ATXN1: variants seen among roughly 807,000 people sequenced by gnomAD.
ATXN1 encodes the protein ataxin-1.
Under a neutral mutation model 56.4 loss-of-function variants are expected in ATXN1, and 8 were observed. That is an observed-to-expected ratio of 0.14 (90% confidence interval 0.08 to 0.26). The LOEUF (loss-of-function observed/expected upper bound fraction) is 0.26. Ranked by LOEUF, ATXN1 falls within the 10% of genes least tolerant of loss-of-function variation. The probability of loss-of-function intolerance (pLI) is 1.00; values close to 1 mark genes in which losing one functional copy is unlikely to be tolerated. For missense variants in ATXN1, 987 were observed against 1,106.5 expected (o/e 0.89, Z 1.53); for synonymous variants, 514 against 494.6 (o/e 1.04, Z -0.52).
intron 4 of ATXN1, among the ~76,000 whole-genome samples, chr6:16,538,836 CCACCA>C (rs1383042155): frequency 1.3e-5 from 2 of 152,158 alleles, no homozygotes; most frequent in Non-Finnish European, 2.9e-5. Context: ...CAGGCATGAG[CCACCA>C]CACCTGGCTA....
chr6:16,635,817 GGT>G (rs1302525625), intron 3 of ATXN1, among the ~76,000 whole-genome samples: 1 of 152,218 alleles, frequency 6.6e-6, no homozygotes, highest in African/African-American at 2.4e-5. Context: ...AGGCTGAGCA[GGT>G]GTGGGCTGGG....
At chr6:16,465,399 G>A (rs975768550) in intron 6 of ATXN1, among the ~76,000 whole-genome samples, 2 of 152,222 alleles carry the variant, frequency 1.3e-5, no homozygotes, top group South Asian at 2.1e-4. Flanking sequence ...GGAGGTTGCC[G>A]TGAGCCAAGA....
In ATXN1 at chr6:16,653,301, T is replaced by C. The variant is rs191186598; in HGVS notation, c.-489+4475A>G. ...GAAGGAGAGGGCCAAGTGTCACCAC[T>C]GCAGTCTGCTAACATTGGATTCAAA... On this transcript the variant is annotated intron_variant, in intron 3 of 7. Transcript: ENST00000436367. 3.7e-3 allele frequency among the ~76,000 whole-genome samples: 569 copies of C among 152,348 alleles called. 4 individuals carry two copies. Among genetic ancestry groups the C allele is most frequent in the African/African-American group, 0.013 (554 of 41,586 alleles).
chr6:16,604,754 T>TGA (rs1762973229), intron 3 of ATXN1, among the ~76,000 whole-genome samples: 1 of 144,188 alleles, frequency 6.9e-6, no homozygotes, highest in African/African-American at 2.5e-5. Context: ...CCTGGCTGAT[T>TGA]AAAAAAAAAA....
intron 7 of ATXN1, among the ~76,000 whole-genome samples, chr6:16,315,609 A>C (rs1760490398): frequency 6.6e-6 from 1 of 152,104 alleles, no homozygotes; most frequent in South Asian, 2.1e-4. Flanking sequence ...TGTCCTTTTC[A>C]GAGAGAACTC....
chr6:16,328,479 G>A lies in ATXN1; in HGVS notation c.-160-9C>T. The A allele has an allele frequency of 1.6e-6, 2 of 1,224,238 alleles. No individual in the cohort carries two copies. Among genetic ancestry groups the A allele is most frequent in the African/African-American group, 1.5e-5 (1 of 66,030 alleles). 75.8% of individuals were successfully genotyped at this position (1,224,238 alleles called of 1,614,324 possible). A position where few individuals can be genotyped will look rare whatever the true frequency, so the allele number is the denominator to read the frequency against. On this transcript the variant is annotated splice_polypyrimidine_tract_variant and intron_variant, in intron 6 of 7. Coordinates refer to ENST00000436367, the MANE Select transcript of ATXN1 (RefSeq NM_001128164.2). This position sits in a 1 kb window ranked among gnomAD's most constrained non-coding sequence, Gnocchi z 6.2. ...AACAGCAGCTCTGGATGCTGGGAAA[G>A]GGAAGAGGGCAGTGACAAAGGGAAA...
intron 4 of ATXN1, among the ~76,000 whole-genome samples, chr6:16,527,077 T>C (rs574020748): frequency 6.6e-6 from 1 of 151,912 alleles, no homozygotes; most frequent in Non-Finnish European, 1.5e-5. Flanking sequence ...TATCAAAAAT[T>C]AAAATATTCA....
At chr6:16,402,338 C>T (rs1304824031) in intron 6 of ATXN1, among the ~76,000 whole-genome samples, 1 of 135,904 alleles carries the variant, frequency 7.4e-6, no homozygotes, top group Non-Finnish European at 1.5e-5. Context: ...ATATTTGATG[C>T]ACATTATTGA....
chr6:16,517,677 C>A (rs1761211026), intron 5 of ATXN1, among the ~76,000 whole-genome samples: 1 of 152,104 alleles, frequency 6.6e-6, no homozygotes, highest in African/African-American at 2.4e-5. Flanking sequence ...AGAGAGAGAA[C>A]ACAAGTACAT....
rs772757912 is a variant in ATXN1 at position 16,326,763 on chromosome 6, A to C, written c.1548T>G (p.Ala516=). The change falls in exon 7 of 8, where the codon GCT becomes GCG. Residue 516 remains alanine, a synonymous_variant. Coordinates refer to ENST00000436367, the MANE Select transcript of ATXN1 (RefSeq NM_001128164.2). The surrounding 1 kb of genome is among the most constrained non-coding windows in gnomAD (Gnocchi z 6.6). ...TGGTGACGAACGTGTGAGGCACTGC[A>C]GCAAACTGGGGGGATGACGTGACTA... ...PAIVTSSPQF[A]AVPHTFVTTA... 4 of 1,613,380 alleles carry C rather than the reference A, an allele frequency of 2.5e-6. No homozygotes were observed. The highest frequency in any genetic ancestry group is 1.1e-5 in the South Asian group (1 of 91,042).
At chr6:16,411,506 C>T (rs1373723268) in intron 6 of ATXN1, among the ~76,000 whole-genome samples, 2 of 151,968 alleles carry the variant, frequency 1.3e-5, no homozygotes, top group South Asian at 2.1e-4. Flanking sequence ...TTAATAGCAA[C>T]ATTGATCTGG....
chr6:16,330,550 C>T (rs528015967), intron 6 of ATXN1, among the ~76,000 whole-genome samples: 5 of 151,832 alleles, frequency 3.3e-5, no homozygotes, highest in East Asian at 3.9e-4. Flanking sequence ...CCACCACACC[C>T]GGCTAATTTT....
intron 4 of ATXN1, among the ~76,000 whole-genome samples, chr6:16,569,473 G>A (rs1762290849): frequency 6.9e-6 from 1 of 145,952 alleles, no homozygotes; most frequent in South Asian, 2.3e-4. Flanking sequence ...GCTGTAGTGA[G>A]CCAAGCTCAC....
At position 16,750,033 on chromosome 6, in the gene ATXN1, T is replaced by A. The variant is rs374618131; in HGVS notation, c.-615+3200A>T. Reference sequence around the variant, plus strand: ...CATGGCCTTCCTCATGCTCCATCCATCTCTTCCCACAGAAATGCAATCTAG... The same window carrying A: ...CATGGCCTTCCTCATGCTCCATCCAACTCTTCCCACAGAAATGCAATCTAG... On this transcript the variant is annotated intron_variant, in intron 2 of 7. Transcript: ENST00000436367. 4.6e-5 allele frequency: 7 copies of A among 152,490 alleles called. No individual in the cohort carries two copies. In the South Asian group the frequency reaches 6.2e-4, roughly 14 times the overall value. 9.4% of individuals were successfully genotyped at this position (152,490 alleles called of 1,614,324 possible).
At chr6:16,709,951 T>C (rs753631404) in intron 2 of ATXN1, among the ~76,000 whole-genome samples, 2 of 152,124 alleles carry the variant, frequency 1.3e-5, no homozygotes, top group African/African-American at 2.4e-5. Flanking sequence ...CGGAAAACCA[T>C]ATGACATCTC....
chr6:16,563,770 TCAGGTTAAACTTAACACCGGTC>T (rs1312666968), intron 4 of ATXN1, among the ~76,000 whole-genome samples: 1 of 151,754 alleles, frequency 6.6e-6, no homozygotes, highest in Non-Finnish European at 1.5e-5. Flanking sequence ...GAGAGAAGGG[TCAGGTTAAACTTAACACCGGTC>T]CATGACGCCG....
intron 6 of ATXN1, among the ~76,000 whole-genome samples, chr6:16,362,785 A>C (rs1484191358): frequency 6.6e-6 from 1 of 152,152 alleles, no homozygotes; most frequent in African/African-American, 2.4e-5. Flanking sequence ...ATAGGTTTAC[A>C]TTTCAGCACT....
intron 7 of ATXN1, among the ~76,000 whole-genome samples, chr6:16,324,943 G>T (rs1048481340): frequency 6.6e-6 from 1 of 152,100 alleles, no homozygotes; most frequent in East Asian, 1.9e-4. Context: ...GATCCCAGAG[G>T]TATAGTCTCT....
intron 5 of ATXN1, among the ~76,000 whole-genome samples, chr6:16,491,662 T>G (rs1184362156): frequency 6.6e-6 from 1 of 152,180 alleles, no homozygotes; most frequent in Non-Finnish European, 1.5e-5. Flanking sequence ...AAGATTGCCA[T>G]GTCCCCTGCC....
Sources: allele counts gnomAD v4.1 joint callset (sites outside exome capture counted in the v4.1 genomes callset), GRCh38; gene constraint gnomAD v4.1.1; non-coding constraint Gnocchi (gnomAD v3.1); transcripts MANE v1.5; gene names NCBI Gene and HGNC (gene_info 2026-07-23, HGNC 2026-07-21).